The following SH3RF3 variants were observed in gnomAD, a reference collection of about 807,000 sequenced individuals.
SH3RF3 encodes SH3 domain containing ring finger 3, also known as E3 ubiquitin-protein ligase SH3RF3.
In SH3RF3, 29 loss-of-function variants were observed where a neutral mutation model predicts 66.3. The observed-to-expected ratio is 0.44, with a 90% CI of 0.33 to 0.60. SH3RF3 has a LOEUF of 0.60. Ranked by LOEUF, SH3RF3 falls within the 20% of genes least tolerant of loss-of-function variation. SH3RF3 has a pLI of 0.04. For missense variants in SH3RF3, 1,194 were observed against 1,190.9 expected (o/e 1.00, Z -0.04); for synonymous variants, 583 against 532.0 (o/e 1.10, Z -1.32).
intron 2 of SH3RF3, among the ~76,000 whole-genome samples, chr2:109,369,843 G>A (rs1296664033): frequency 6.6e-6 from 1 of 152,182 alleles, no homozygotes; most frequent in Non-Finnish European, 1.5e-5. Context: ...GACCCCACCA[G>A]CCTAAAACAT....
chr2:109,273,917 T>A (rs1005732479), intron 1 of SH3RF3, among the ~76,000 whole-genome samples: 1 of 152,158 alleles, frequency 6.6e-6, no homozygotes, highest in Non-Finnish European at 1.5e-5. Context: ...GTGGTAGGAC[T>A]GGGTTTGGTG....
At chr2:109,317,179 A>ATCCTCT (rs1681905116) in intron 1 of SH3RF3, among the ~76,000 whole-genome samples, 1 of 151,484 alleles carries the variant, frequency 6.6e-6, no homozygotes, top group Admixed American at 6.6e-5. Context: ...TGTGGATGTA[A>ATCCTCT]GTTTTCATGG....
intron 1 of SH3RF3, among the ~76,000 whole-genome samples, chr2:109,341,987 C>T (rs575933901): frequency 7.9e-5 from 12 of 152,304 alleles, no homozygotes; most frequent in South Asian, 2.1e-4. Flanking sequence ...TCTCAGACCC[C>T]GCAGTGCTTG....
intron 6 of SH3RF3, among the ~76,000 whole-genome samples, chr2:109,435,117 A>T (rs1337460900): frequency 6.6e-6 from 1 of 152,198 alleles, no homozygotes; most frequent in African/African-American, 2.4e-5. Context: ...AGCCCCGGTA[A>T]CTGCAGTGTC....
chr2:109,296,558 A>C (rs1181191333), intron 1 of SH3RF3, among the ~76,000 whole-genome samples: 2 of 152,082 alleles, frequency 1.3e-5, no homozygotes, highest in African/African-American at 4.8e-5. Context: ...ATGACCTTTT[A>C]AAGGTCATCA....
At chr2:109,306,374 A>G (rs1236571416) in intron 1 of SH3RF3, among the ~76,000 whole-genome samples, 1 of 152,234 alleles carries the variant, frequency 6.6e-6, no homozygotes, top group Non-Finnish European at 1.5e-5. Flanking sequence ...CAGCACCTGC[A>G]GAGTGCTTGG....
At chr2:109,489,876 T>C (rs1375623962) in intron 8 of SH3RF3, among the ~76,000 whole-genome samples, 1 of 152,174 alleles carries the variant, frequency 6.6e-6, no homozygotes, top group Non-Finnish European at 1.5e-5. Flanking sequence ...TATCTGGGAT[T>C]ACAGGCAAGT....
chr2:109,499,580 G>A (rs886491542), intron 9 of SH3RF3, among the ~76,000 whole-genome samples: 2 of 152,204 alleles, frequency 1.3e-5, no homozygotes, highest in Non-Finnish European at 2.9e-5. Context: ...GCTAGTGGGA[G>A]TGGGGATGGG....
chr2:109,240,477 A>G (rs1470639385), intron 1 of SH3RF3, among the ~76,000 whole-genome samples: 1 of 152,168 alleles, frequency 6.6e-6, no homozygotes, highest in Non-Finnish European at 1.5e-5. Context: ...GACAAACAAA[A>G]AAACAAACAA....
intron 5 of SH3RF3, among the ~76,000 whole-genome samples, chr2:109,424,017 T>C (rs1676962999): frequency 6.6e-6 from 1 of 152,180 alleles, no homozygotes; most frequent in African/African-American, 2.4e-5. Context: ...GCAGGGCCGG[T>C]TGCAGTGGAG....
chr2:109,439,881 A>G (rs898014765), intron 7 of SH3RF3, among the ~76,000 whole-genome samples: 1 of 152,202 alleles, frequency 6.6e-6, no homozygotes, highest in African/African-American at 2.4e-5. Context: ...AGGGCTGCAA[A>G]AGAGGCCTGC....
At chr2:109,247,484 A>C (rs754463442) in intron 1 of SH3RF3, among the ~76,000 whole-genome samples, 1 of 152,190 alleles carries the variant, frequency 6.6e-6, no homozygotes, top group Non-Finnish European at 1.5e-5. Context: ...TTTTTGTGCA[A>C]AACCATTATT....
chr2:109,219,142 A>T (rs1278480920), intron 1 of SH3RF3, among the ~76,000 whole-genome samples: 1 of 152,132 alleles, frequency 6.6e-6, no homozygotes, highest in Non-Finnish European at 1.5e-5. Context: ...TCTCTCGCTC[A>T]CACCCCATTC....
chr2:109,203,459 T>C (rs989590685), intron 1 of SH3RF3, among the ~76,000 whole-genome samples: 6 of 152,158 alleles, frequency 3.9e-5, no homozygotes, highest in Non-Finnish European at 7.4e-5. Context: ...CATGACATAT[T>C]CTTTAAGTCG....
intron 1 of SH3RF3, among the ~76,000 whole-genome samples, chr2:109,212,673 A>G (rs1679014804): frequency 6.6e-6 from 1 of 152,178 alleles, no homozygotes; most frequent in Non-Finnish European, 1.5e-5. Context: ...CTTGTGTTAA[A>G]TGGACTCACC....
At chr2:109,361,386 A>G (rs1053223967) in intron 2 of SH3RF3, among the ~76,000 whole-genome samples, 4 of 152,222 alleles carry the variant, frequency 2.6e-5, no homozygotes, top group African/African-American at 9.6e-5. Flanking sequence ...GAGAATTGGT[A>G]TAATTTCTTC....
intron 8 of SH3RF3, among the ~76,000 whole-genome samples, chr2:109,451,812 C>T: frequency 6.6e-6 from 1 of 152,390 alleles, no homozygotes; most frequent in East Asian, 1.9e-4. Context: ...GCCTCCTCCT[C>T]CCCTGATAGC....
chr2:109,146,016 T>C (rs1262773846), intron 1 of SH3RF3, among the ~76,000 whole-genome samples: 2 of 144,932 alleles, frequency 1.4e-5, no homozygotes, highest in African/African-American at 5.7e-5. Context: ...GCAGTGTCCT[T>C]GTCTATGTGG....
chr2:109,270,732 T>TA (rs1273337073), intron 1 of SH3RF3, among the ~76,000 whole-genome samples: 1 of 152,208 alleles, frequency 6.6e-6, no homozygotes, highest in African/African-American at 2.4e-5. Context: ...CCTGGACTGT[T>TA]ACTCCTCTTA....
Sources: allele counts gnomAD v4.1 joint callset (sites outside exome capture counted in the v4.1 genomes callset), GRCh38; gene constraint gnomAD v4.1.1; transcripts MANE v1.5; gene names NCBI Gene and HGNC (gene_info 2026-07-23, HGNC 2026-07-21).